Variants in HACE1 observed in about 807,000 individuals in gnomAD.
The protein encoded by HACE1 is E3 ubiquitin-protein ligase HACE1.
A neutral mutation model predicts 118.4 loss-of-function variants in HACE1; 73 were observed. The ratio of observed to expected loss-of-function variants is 0.62; its 90% CI spans 0.51 to 0.75. HACE1 has a LOEUF of 0.75. Among genes scored for constraint, HACE1 ranks in the 30% least tolerant of loss-of-function variants. The pLI is 0.00. For missense variants in HACE1, 749 were observed against 1,102.2 expected (o/e 0.68, Z 4.54); for synonymous variants, 368 against 374.8 (o/e 0.98, Z 0.21).
chr6:104,847,900 C>G (rs988500192), intron 4 of HACE1, among the ~76,000 whole-genome samples: 4 of 151,908 alleles, frequency 2.6e-5, no homozygotes, highest in Non-Finnish European at 5.9e-5. Flanking sequence ...TCACTGCAAC[C>G]TAGCTCTCCC....
intron 6 of HACE1, among the ~76,000 whole-genome samples, chr6:104,825,658 G>A (rs1285181156): frequency 6.6e-6 from 1 of 152,146 alleles, no homozygotes; most frequent in Non-Finnish European, 1.5e-5. Flanking sequence ...ATTTACATGA[G>A]GCGAACACCA....
At chr6:104,839,518 A>G (rs1774884486) in intron 5 of HACE1, among the ~76,000 whole-genome samples, 1 of 152,204 alleles carries the variant, frequency 6.6e-6, no homozygotes, top group African/African-American at 2.4e-5. Context: ...ATGGGATGTG[A>G]AGGACAAAGG....
intron 20 of HACE1, among the ~76,000 whole-genome samples, chr6:104,745,553 A>C (rs1434929294): frequency 6.8e-6 from 1 of 147,302 alleles, no homozygotes; most frequent in African/African-American, 2.6e-5. Context: ...CCATTCTCCC[A>C]CCTCAGCCTC....
chr6:104,765,736 A>T (rs6904317), intron 19 of HACE1, among the ~76,000 whole-genome samples: 1 of 152,066 alleles, frequency 6.6e-6, no homozygotes, highest in Non-Finnish European at 1.5e-5. Context: ...TTAAGTGGCA[A>T]GTGTTCACTG....
intron 5 of HACE1, among the ~76,000 whole-genome samples, chr6:104,834,285 G>A (rs1774308537): frequency 6.6e-6 from 1 of 152,160 alleles, no homozygotes; most frequent in Non-Finnish European, 1.5e-5. Flanking sequence ...AAAGGTGTTA[G>A]ATATTTTTCT....
intron 6 of HACE1, among the ~76,000 whole-genome samples, chr6:104,829,605 A>C (rs1773662510): frequency 6.6e-6 from 1 of 152,176 alleles, no homozygotes; most frequent in African/African-American, 2.4e-5. Context: ...AACGATCCAG[A>C]AAATAATCAG....
At chr6:104,825,019 C>T (rs1400442078) in intron 6 of HACE1, 1 of 147,878 alleles carries the variant, frequency 6.8e-6, no homozygotes, top group Admixed American at 6.8e-5. Context: ...GGAGGTGGAG[C>T]TTGCAGTGAG....
In HACE1 at chr6:104,737,282, CAAAAAAAAAAAA is replaced by C. The variant is rs59915070; in HGVS notation, c.2513+6866_2514-6867del. On this transcript the variant is annotated intron_variant, in intron 22 of 23. Transcript: ENST00000262903. ...TGGGGGACAGAGTGAGACTCTCTCT[CAAAAAAAAAAAA>C]AAAAAAAAAAAAAGAAAATTTGGGG... Among the ~76,000 whole-genome samples, 120 of 42,726 alleles carry C rather than the reference CAAAAAAAAAAAA, an allele frequency of 2.8e-3. 3 individuals carry two copies. Among genetic ancestry groups the C allele is most frequent in the African/African-American group, 8.5e-3 (99 of 11,610 alleles). The allele number at this position is 42,726 out of a possible 152,430, so 28.0% of individuals were successfully genotyped here.
At chr6:104,750,238 AC>A (rs11293496) in intron 20 of HACE1, 102 bp downstream of exon 20, 150,941 of 959,054 alleles carry the variant, frequency 0.16, 13,799 homozygotes, top group African/African-American at 0.36. Flanking sequence ...TCTCATTTAT[AC>A]ATTATTTCAT....
At chr6:104,774,393 C>CTTTT (rs1160033149) in intron 17 of HACE1, among the ~76,000 whole-genome samples, 1 of 73,756 alleles carries the variant, frequency 1.4e-5, no homozygotes, top group Non-Finnish European at 2.7e-5. Flanking sequence ...CCCGGCCTCT[C>CTTTT]TTTTTTTTTT....
At chr6:104,749,389 C>A (rs537621087) in intron 20 of HACE1, among the ~76,000 whole-genome samples, 2 of 152,106 alleles carry the variant, frequency 1.3e-5, no homozygotes, top group Admixed American at 1.3e-4. Flanking sequence ...AACTAAATCA[C>A]AATGGACTTC....
chr6:104,804,256 G>A (rs1424058182), intron 7 of HACE1, among the ~76,000 whole-genome samples: 1 of 152,208 alleles, frequency 6.6e-6, no homozygotes, highest in African/African-American at 2.4e-5. Context: ...TCATGGATAG[G>A]AAGAATCAAT....
intron 19 of HACE1, among the ~76,000 whole-genome samples, chr6:104,753,370 A>G (rs1018600968): frequency 1.3e-5 from 2 of 152,164 alleles, no homozygotes; most frequent in African/African-American, 4.8e-5. Context: ...AACACAGCAC[A>G]TGTGCTCTAC....
At chr6:104,749,476 T>C (rs1328000249) in intron 20 of HACE1, among the ~76,000 whole-genome samples, 1 of 152,090 alleles carries the variant, frequency 6.6e-6, no homozygotes, top group Non-Finnish European at 1.5e-5. Context: ...CTGATACATA[T>C]GTAAAATTAA....
chr6:104,853,980 T>A (rs1333710885), intron 1 of HACE1, among the ~76,000 whole-genome samples: 1 of 152,216 alleles, frequency 6.6e-6, no homozygotes, highest in Admixed American at 6.5e-5. Flanking sequence ...AATACTATAC[T>A]GTAATAAAAG....
At chr6:104,768,870 ACTTATT>A (rs1387892780) in intron 19 of HACE1, among the ~76,000 whole-genome samples, 1 of 152,108 alleles carries the variant, frequency 6.6e-6, no homozygotes, top group Non-Finnish European at 1.5e-5. Context: ...GCATATTCTT[ACTTATT>A]CTTATTTATT....
chr6:104,776,334 T>C (rs1167939299), intron 17 of HACE1, among the ~76,000 whole-genome samples: 1 of 152,224 alleles, frequency 6.6e-6, no homozygotes, highest in South Asian at 2.1e-4. Flanking sequence ...ATAGGGACTT[T>C]TATTTGTTTA....
chr6:104,807,704 G>GA lies in HACE1; in HGVS notation c.617+3606dup, dbSNP rs201878783. ...TAAAGGTGTGTAAAGATGGCAGGGG[G>GA]AAAAAAAAATCAATGTGTGCCTATA... On this transcript the variant is annotated intron_variant, in intron 7 of 23. Coordinates refer to ENST00000262903, the MANE Select transcript of HACE1 (RefSeq NM_020771.4). Among the ~76,000 whole-genome samples the GA allele has an allele frequency of 5.4e-4, 81 of 150,934 alleles. No individual in the cohort carries two copies. In the East Asian group the frequency reaches 5.4e-3, roughly 10 times the overall value.
intron 19 of HACE1, among the ~76,000 whole-genome samples, chr6:104,757,946 A>AATG (rs1442870151): frequency 6.6e-6 from 1 of 152,208 alleles, no homozygotes; most frequent in Non-Finnish European, 1.5e-5. Context: ...AAAGGATGTC[A>AATG]ATGACTGAAG....
Sources: allele counts gnomAD v4.1 joint callset (sites outside exome capture counted in the v4.1 genomes callset), GRCh38; gene constraint gnomAD v4.1.1; transcripts MANE v1.5; gene names NCBI Gene and HGNC (gene_info 2026-07-23, HGNC 2026-07-21).